The following PCNX2 variants were observed in gnomAD, a reference collection of about 807,000 sequenced individuals.
PCNX2 encodes pecanex 2, also known as pecanex-like protein 2.
In PCNX2, 168 loss-of-function variants were observed where a neutral mutation model predicts 223.8. The ratio of observed to expected loss-of-function variants is 0.75; its 90% CI spans 0.66 to 0.85. The LOEUF (loss-of-function observed/expected upper bound fraction) is 0.85, where lower values mean the gene tolerates loss of function less well. Among genes scored for constraint, PCNX2 ranks in the 40% least tolerant of loss-of-function variants. The pLI is 0.00. For missense variants in PCNX2, 2,507 were observed against 2,675.5 expected (o/e 0.94, Z 1.39); for synonymous variants, 1,006 against 1,052.6 (o/e 0.96, Z 0.86).
At chr1:233,197,889 ACT>A (rs1376385312) in intron 15 of PCNX2, among the ~76,000 whole-genome samples, 3 of 152,152 alleles carry the variant, frequency 2.0e-5, no homozygotes, top group Non-Finnish European at 4.4e-5. Context: ...ATTTTTATTT[ACT>A]CTTTTACATT....
At chr1:233,101,801 T>C (rs2102959447) in intron 21 of PCNX2, among the ~76,000 whole-genome samples, 1 of 152,296 alleles carries the variant, frequency 6.6e-6, no homozygotes, top group South Asian at 2.1e-4. Context: ...AATTGGGTTT[T>C]AGCATATTTG....
chr1:233,279,460 T>A (rs1661079481), intron 1 of PCNX2, among the ~76,000 whole-genome samples: 1 of 151,718 alleles, frequency 6.6e-6, no homozygotes, highest in Non-Finnish European at 1.5e-5. Context: ...ATATATATAT[T>A]TTATTGTAGA....
Position 233,001,563 on chromosome 1 carries a change from T to G in PCNX2, c.5071A>C (p.Ile1691Leu). Residue 1691 changes from isoleucine to leucine, a missense_variant, in exon 29 of 34, where the codon ATC becomes CTC. Ile to Leu is a conservative substitution (Grantham distance 5). Coordinates refer to ENST00000258229, the MANE Select transcript of PCNX2 (RefSeq NM_014801.4). This position sits in a 1 kb window ranked among gnomAD's most constrained non-coding sequence, Gnocchi z 4.2. ...DLLHKVVAPA[I>L]RMSLKLHQDQ... ...TGGTGAAGTTTCAGGGACATCCTGA[T>G]AGCTGGAGCTACAACTTTATGCAGT... 1 of 1,478,846 alleles carries G rather than the reference T, an allele frequency of 6.8e-7. No individual in the cohort carries two copies. The highest frequency in any genetic ancestry group is 9.1e-7 in the Non-Finnish European group (1 of 1,103,798). 91.6% of individuals were successfully genotyped at this position (1,478,846 alleles called of 1,614,324 possible). A position where few individuals can be genotyped will look rare whatever the true frequency, so the allele number is the denominator to read the frequency against.
intron 26 of PCNX2, among the ~76,000 whole-genome samples, chr1:233,024,771 C>T (rs1671023350): frequency 6.6e-6 from 1 of 152,176 alleles, no homozygotes; most frequent in African/African-American, 2.4e-5. Context: ...CTAAAGTGGA[C>T]ACTGTGCAGA....
chr1:233,325,903 T>C, the PCNX2 span, among the ~76,000 whole-genome samples: 1 of 152,210 alleles, frequency 6.6e-6, no homozygotes, highest in Non-Finnish European at 1.5e-5. Context: ...CTTCCCATGC[T>C]ACAGAGAAGT....
intron 21 of PCNX2, among the ~76,000 whole-genome samples, chr1:233,125,161 C>G (rs1002136026): frequency 2.6e-5 from 4 of 152,192 alleles, no homozygotes; most frequent in African/African-American, 9.7e-5. Flanking sequence ...CTAGTAGTGG[C>G]ATTTCAGTGT....
intron 25 of PCNX2, among the ~76,000 whole-genome samples, chr1:233,040,468 C>A (rs987770629): frequency 2.2e-4 from 33 of 152,174 alleles, no homozygotes; most frequent in African/African-American, 7.5e-4. Flanking sequence ...TTTTCTGATT[C>A]CAACTTAACT....
chr1:233,146,435 A>G (rs1257723877), intron 19 of PCNX2, among the ~76,000 whole-genome samples: 1 of 152,212 alleles, frequency 6.6e-6, no homozygotes, highest in African/African-American at 2.4e-5. Context: ...AGCGTATTAA[A>G]CAACATTTCC....
chr1:233,174,988 A>T (rs1157716260), intron 17 of PCNX2, among the ~76,000 whole-genome samples: 1 of 152,164 alleles, frequency 6.6e-6, no homozygotes, highest in Non-Finnish European at 1.5e-5. Context: ...TAAAATGAAG[A>T]TCCTCAGACC....
At chr1:233,021,335 C>T (rs996459425) in intron 26 of PCNX2, among the ~76,000 whole-genome samples, 8 of 152,168 alleles carry the variant, frequency 5.3e-5, no homozygotes, top group Non-Finnish European at 1.5e-5. Flanking sequence ...CTGTGGGGCA[C>T]AATTACGTCT....
chr1:232,996,594 T>C (rs1669883080), intron 32 of PCNX2, among the ~76,000 whole-genome samples: 1 of 152,120 alleles, frequency 6.6e-6, no homozygotes, highest in Non-Finnish European at 1.5e-5. Context: ...TACCTATCTA[T>C]CTACCTACCT....
chr1:233,174,363 GA>G (rs925966521), intron 17 of PCNX2, among the ~76,000 whole-genome samples: 1 of 147,266 alleles, frequency 6.8e-6, no homozygotes. Flanking sequence ...GCTGCAAAGA[GA>G]AAAAAATGAA....
intron 21 of PCNX2, among the ~76,000 whole-genome samples, chr1:233,097,064 T>C (rs1674215590): frequency 6.6e-6 from 1 of 152,170 alleles, no homozygotes; most frequent in Non-Finnish European, 1.5e-5. Context: ...AATAAAACAT[T>C]ATTGGGTAGG....
intron 28 of PCNX2, among the ~76,000 whole-genome samples, chr1:233,002,748 CA>C (rs1382800777): frequency 5.9e-5 from 9 of 152,208 alleles, no homozygotes; most frequent in African/African-American, 1.9e-4. Flanking sequence ...TACCTGACTT[CA>C]AACTATACTA....
intron 21 of PCNX2, among the ~76,000 whole-genome samples, chr1:233,120,164 C>CAAAAAAAAAAA (rs1228898502): frequency 1.1e-3 from 46 of 42,426 alleles, no homozygotes; most frequent in African/African-American, 1.5e-3. Context: ...GACTCCATTT[C>CAAAAAAAAAAA]AAAAAAAAAA....
intron 9 of PCNX2, among the ~76,000 whole-genome samples, chr1:233,233,679 G>A (rs1050498683): frequency 3.9e-5 from 6 of 151,966 alleles, no homozygotes; most frequent in African/African-American, 1.2e-4. Flanking sequence ...AGAACATTGC[G>A]GGGGAAGCAC....
intron 21 of PCNX2, among the ~76,000 whole-genome samples, chr1:233,130,479 G>GTGTGTC (rs1454107268): frequency 2.2e-4 from 32 of 143,344 alleles, no homozygotes; most frequent in Non-Finnish European, 3.9e-4. Context: ...GTGTGTGTGT[G>GTGTGTC]TGTGTGTGTG....
chr1:232,984,551 C>T (rs1272090119), intron 33 of PCNX2, 74 bp from the exon 34 acceptor site: 1 of 1,509,214 alleles, frequency 6.6e-7, no homozygotes, highest in Admixed American at 1.9e-5. Context: ...GCATCACCCC[C>T]ATCCGTGCTG....
intron 17 of PCNX2, among the ~76,000 whole-genome samples, chr1:233,167,248 G>A (rs1195046642): frequency 6.6e-6 from 1 of 152,024 alleles, no homozygotes; most frequent in Non-Finnish European, 1.5e-5. Flanking sequence ...GCCACAACAT[G>A]GATGAACCTG....
Sources: gnomAD v4.1 joint callset for allele counts (sites outside exome capture counted in the v4.1 genomes callset) on GRCh38, gnomAD v4.1.1 for gene constraint, Gnocchi (gnomAD v3.1) non-coding constraint, MANE v1.5 for transcripts, NCBI Gene and HGNC (gene_info 2026-07-23, HGNC 2026-07-21) for gene names.